Variants in IHO1 observed in about 807,000 individuals in gnomAD.
IHO1 encodes the protein interactor of HORMAD1 1.
IHO1 carries 13 observed loss-of-function variants against 31.0 expected under a neutral mutation model. That is an observed-to-expected ratio of 0.42 (90% confidence interval 0.27 to 0.67). The LOEUF (loss-of-function observed/expected upper bound fraction) is 0.67. Ranked by LOEUF, IHO1 falls within the 30% of genes least tolerant of loss-of-function variation. The pLI is 0.24. For missense variants in IHO1, 599 were observed against 687.5 expected (o/e 0.87, Z 1.44); for synonymous variants, 221 against 248.4 (o/e 0.89, Z 1.04).
At chr3:49,248,460 G>A (rs2046723133) in intron 6 of IHO1, among the ~76,000 whole-genome samples, 1 of 147,954 alleles carries the variant, frequency 6.8e-6, no homozygotes, top group Non-Finnish European at 1.5e-5. Flanking sequence ...CAGGCACAGT[G>A]ACTCACACTT....
Position 49,241,215 on chromosome 3 carries a change from TCA to T in IHO1, c.232-10_232-9del. 3 of 1,576,476 alleles carry T rather than the reference TCA, an allele frequency of 1.9e-6. No homozygotes were observed. Among genetic ancestry groups the T allele is most frequent in the African/African-American group, 1.4e-5 (1 of 72,994 alleles). Reference sequence around the variant, plus strand: ...ATGTGTGAAATGCTATATATTTTTTTCATTTAACAGGGTGAACCTAGCATTTT... The same window carrying T: ...ATGTGTGAAATGCTATATATTTTTTTTTTAACAGGGTGAACCTAGCATTTT... On this transcript the variant is annotated splice_polypyrimidine_tract_variant and intron_variant, in intron 3 of 7. Transcript: ENST00000452691.
rs2046597466 is a variant in IHO1, at chr3:49,239,254, G to A, written c.232-1972G>A. On this transcript the variant is annotated intron_variant, in intron 3 of 7. Coordinates refer to ENST00000452691, the MANE Select transcript of IHO1 (RefSeq NM_001135197.2). ...CCCAAAGTGCTGGGATTACAGGTGT[G>A]AGCTACCATGCCTGGCCACACCAAG... Among the ~76,000 whole-genome samples, 7 of 151,086 alleles carry A rather than the reference G, an allele frequency of 4.6e-5. No individual in the cohort carries two copies. In the Admixed American group the frequency reaches 4.6e-4, roughly 10 times the overall value.
rs1044239450 is a variant in IHO1 at position 49,223,583 on chromosome 3, C to T, written c.56+11747C>T. 1.2e-4 allele frequency among the ~76,000 whole-genome samples: 18 copies of T among 151,868 alleles called. 1 individual carries two copies. Among genetic ancestry groups the T allele is most frequent in the Admixed American group, 3.3e-4 (5 of 15,242 alleles). On this transcript the variant is annotated intron_variant, in intron 2 of 7. Coordinates refer to ENST00000452691, the MANE Select transcript of IHO1 (RefSeq NM_001135197.2). Reference sequence around the variant, plus strand: ...GTGGGCACCTATAGTCCCAGCTACTCGGGAGGCTGAGGCAGGAGAATGGCG... The same window carrying T: ...GTGGGCACCTATAGTCCCAGCTACTTGGGAGGCTGAGGCAGGAGAATGGCG...
At chr3:49,228,952 G>A (rs892421838) in intron 2 of IHO1, among the ~76,000 whole-genome samples, 1 of 152,166 alleles carries the variant, frequency 6.6e-6, no homozygotes, top group African/African-American at 2.4e-5. Flanking sequence ...GAGATGACTG[G>A]TCCATTTTAC....
rs376808370 is a variant in IHO1, at chr3:49,220,573, G to A, written c.56+8737G>A. On this transcript the variant is annotated intron_variant, in intron 2 of 7. Transcript: ENST00000452691. ...TGTGGCGAGTGTCACAGCTCTTAAAGGTGGTGCAGACCCAGCCAGCCATGG... is the reference window on the plus strand; with the variant it reads ...TGTGGCGAGTGTCACAGCTCTTAAAAGTGGTGCAGACCCAGCCAGCCATGG... Among the ~76,000 whole-genome samples, 86 of 152,240 alleles carry A rather than the reference G, an allele frequency of 5.6e-4. No individual in the cohort carries two copies. In the South Asian group the frequency reaches 0.013, roughly 24 times the overall value.
intron 3 of IHO1, among the ~76,000 whole-genome samples, chr3:49,239,684 C>T (rs574843367): frequency 2.5e-4 from 36 of 141,978 alleles, no homozygotes; most frequent in African/African-American, 4.4e-4. Flanking sequence ...TTTTTTGAGA[C>T]GGAGTTTTGC....
chr3:49,253,460 C>G (rs898465454), intron 6 of IHO1, among the ~76,000 whole-genome samples: 1 of 152,040 alleles, frequency 6.6e-6, no homozygotes, highest in African/African-American at 2.4e-5. Flanking sequence ...GAATTCAAGT[C>G]CACCAATCTT....
rs2046741785 is a variant in IHO1, at chr3:49,250,070, AT to A, written c.533-5319del. Among the ~76,000 whole-genome samples, 3 of 152,242 alleles carry A rather than the reference AT, an allele frequency of 2.0e-5. No individual in the cohort carries two copies. In the South Asian group the frequency reaches 6.2e-4, roughly 32 times the overall value. On this transcript the variant is annotated intron_variant, in intron 6 of 7. Coordinates refer to ENST00000452691, the MANE Select transcript of IHO1 (RefSeq NM_001135197.2). ...TTTACATAAAAGCTAAAAATATCTA[AT>A]GTTTATAGTCAAAGCAAAAATGAAA...
chr3:49,248,273 T>A (rs1228878508), intron 6 of IHO1, among the ~76,000 whole-genome samples: 1 of 150,370 alleles, frequency 6.7e-6, no homozygotes, highest in Admixed American at 6.6e-5. Flanking sequence ...ATACAAAAAA[T>A]TAGCTGGGCG....
At chr3:49,220,239 C>T (rs1440825176) in intron 2 of IHO1, among the ~76,000 whole-genome samples, 1 of 152,242 alleles carries the variant, frequency 6.6e-6, no homozygotes, top group Non-Finnish European at 1.5e-5. Flanking sequence ...CCATGAGGGT[C>T]CCGTCCCGGG....
At chr3:49,194,699 C>T (rs1443405861), upstream of IHO1, among the ~76,000 whole-genome samples, 1 of 148,748 alleles carries the variant, frequency 6.7e-6, no homozygotes, top group African/African-American at 2.5e-5. Flanking sequence ...AGTTACAGAC[C>T]AGCCTGGGCA....
chr3:49,229,513 A>T (rs1411820591), intron 2 of IHO1, among the ~76,000 whole-genome samples: 1 of 152,248 alleles, frequency 6.6e-6, no homozygotes, highest in African/African-American at 2.4e-5. Context: ...ATTGTGCCGT[A>T]TGTAGAAATG....
rs796861344 is a variant in IHO1, at chr3:49,200,464, CAAAA to C, written c.-16+902_-16+905del. On this transcript the variant is annotated intron_variant, in intron 1 of 7. Coordinates refer to ENST00000452691, the MANE Select transcript of IHO1 (RefSeq NM_001135197.2). The stretch of plus-strand genomic sequence containing the variant: ...TGGGCGACAGAGTGAGACTCGGTCT[CAAAA>C]AAAAAAAAAAGAAAGAAAGAAAGAA... 421 of 208,028 alleles carry C rather than the reference CAAAA, an allele frequency of 2.0e-3. 3 individuals carry two copies. The highest frequency in any genetic ancestry group is 2.8e-3 in the Middle Eastern group (1 of 360). The allele number at this position is 208,028 out of a possible 1,614,324, so 12.9% of individuals were successfully genotyped here. A position where few individuals can be genotyped will look rare whatever the true frequency, so the allele number is the denominator to read the frequency against.
chr3:49,244,799 C>T, intron 6 of IHO1, 66 bp downstream of exon 6: 1 of 1,412,000 alleles, frequency 7.1e-7, no homozygotes, highest in Non-Finnish European at 1.0e-6. Flanking sequence ...AACTTTCTGA[C>T]CCCAGCCTGG....
Position 49,236,620 on chromosome 3 carries a change from T to C in IHO1, c.129T>C (p.Phe43=), listed in dbSNP as rs540753429. The C allele has an allele frequency of 1.2e-6, 2 of 1,613,856 alleles. No individual in the cohort carries two copies. The highest frequency in any genetic ancestry group is 2.7e-5 in the African/African-American group (2 of 75,040). Residue 43 remains phenylalanine (F), a synonymous_variant, in exon 3 of 8, where the codon TTT becomes TTC. Coordinates refer to ENST00000452691, the MANE Select transcript of IHO1 (RefSeq NM_001135197.2). ...YSSLSDSQFL[F]GSQFCPENSE... ...GTCTCAGTGATTCCCAGTTCCTCTT[T>C]GGATCTCAGTTCTGTCCAGAAAATT... is the stretch of plus-strand genomic sequence containing the variant.
At chr3:49,237,612 A>ATG (rs1334523764) in intron 3 of IHO1, among the ~76,000 whole-genome samples, 166 of 152,224 alleles carry the variant, frequency 1.1e-3, no homozygotes, top group Non-Finnish European at 2.1e-3. Flanking sequence ...ATATATACAT[A>ATG]TATATTTGCC....
chr3:49,228,692 T>C (rs182912858), intron 2 of IHO1, among the ~76,000 whole-genome samples: 1 of 152,306 alleles, frequency 6.6e-6, no homozygotes, highest in East Asian at 1.9e-4. Context: ...GTTTCTTCCT[T>C]CCAGTGGGTT....
chr3:49,256,104 C>G lies in IHO1; in HGVS notation c.637-30C>G. 1.3e-6 allele frequency: 2 copies of G among 1,561,394 alleles called. No homozygotes were observed. Among genetic ancestry groups the G allele is most frequent in the Non-Finnish European group, 1.7e-6 (2 of 1,148,820 alleles). ...GTGCTTTCTGACTTGCACTGTCCAT[C>G]ACTGTCTTTCTCACTGCCTCTCTCC... On this transcript the variant is annotated intron_variant, in intron 7 of 7. Coordinates refer to ENST00000452691, the MANE Select transcript of IHO1 (RefSeq NM_001135197.2). This position sits in a 1 kb window ranked among gnomAD's most constrained non-coding sequence, Gnocchi z 4.6.
chr3:49,239,704 C>G (rs2046605987), intron 3 of IHO1, among the ~76,000 whole-genome samples: 2 of 150,562 alleles, frequency 1.3e-5, no homozygotes, highest in Non-Finnish European at 3.0e-5. Flanking sequence ...CTCTGGTTGC[C>G]CAGACTGGAG....
Sources: allele counts gnomAD v4.1 joint callset (sites outside exome capture counted in the v4.1 genomes callset), GRCh38; gene constraint gnomAD v4.1.1; non-coding constraint Gnocchi (gnomAD v3.1); transcripts MANE v1.5; gene names NCBI Gene and HGNC (gene_info 2026-07-23, HGNC 2026-07-21).